FOXP2: variants seen among roughly 807,000 people sequenced by gnomAD.
The protein encoded by FOXP2 is forkhead box protein P2.
FOXP2 carries 12 observed loss-of-function variants against 115.8 expected under a neutral mutation model. The ratio of observed to expected loss-of-function variants is 0.10; its 90% CI spans 0.07 to 0.17. The LOEUF is 0.17. Ranked by LOEUF, FOXP2 falls within the 10% of genes least tolerant of loss-of-function variation. The probability of loss-of-function intolerance (pLI) is 1.00; values close to 1 mark genes in which losing one functional copy is unlikely to be tolerated. For missense variants in FOXP2, 629 were observed against 843.5 expected (o/e 0.75, Z 3.15); for synonymous variants, 328 against 297.7 (o/e 1.10, Z -1.05).
At chr7:114,223,500 TTATATATAATA>T (rs1168340456) in intron 1 of FOXP2, among the ~76,000 whole-genome samples, 1 of 147,410 alleles carries the variant, frequency 6.8e-6, no homozygotes, top group Non-Finnish European at 1.5e-5. Context: ...TATATATATA[TTATATATAATA>T]TATATATAAT....
At chr7:114,231,171 T>C (rs1239224085) in intron 1 of FOXP2, among the ~76,000 whole-genome samples, 1 of 151,990 alleles carries the variant, frequency 6.6e-6, no homozygotes, top group African/African-American at 2.4e-5. Context: ...TACTCATCAA[T>C]AAACTTAACC....
chr7:114,687,896 TAAG>T (rs1209146847), intron 16 of FOXP2, among the ~76,000 whole-genome samples: 2 of 152,138 alleles, frequency 1.3e-5, no homozygotes, highest in African/African-American at 4.8e-5. Flanking sequence ...AATCTTACAT[TAAG>T]AAGTAACTCA....
intron 1 of FOXP2, among the ~76,000 whole-genome samples, chr7:114,199,845 T>C (rs577590550): frequency 1.1e-4 from 16 of 152,310 alleles, no homozygotes; most frequent in Admixed American, 4.6e-4. Flanking sequence ...TTGCAGGAAT[T>C]GGTGAAACAG....
At chr7:114,463,971 G>A (rs1403851748) in intron 2 of FOXP2, among the ~76,000 whole-genome samples, 4 of 151,948 alleles carry the variant, frequency 2.6e-5, no homozygotes, top group African/African-American at 7.3e-5. Context: ...TTTTAAATCA[G>A]AAAGAACAAT....
chr7:114,436,738 T>TAAA (rs1469443960), intron 2 of FOXP2, among the ~76,000 whole-genome samples: 1 of 151,858 alleles, frequency 6.6e-6, no homozygotes, highest in African/African-American at 2.4e-5. Flanking sequence ...AAAGGATATA[T>TAAA]AAACGTTACT....
intron 2 of FOXP2, among the ~76,000 whole-genome samples, chr7:114,456,462 GT>G (rs1477493935): frequency 2.6e-5 from 4 of 152,106 alleles, no homozygotes; most frequent in African/African-American, 9.7e-5. Flanking sequence ...TTCAACTGTA[GT>G]TTTCTTAGTT....
At chr7:114,306,400 C>T (rs372138750) in intron 2 of FOXP2, among the ~76,000 whole-genome samples, 12 of 152,232 alleles carry the variant, frequency 7.9e-5, no homozygotes, top group South Asian at 2.1e-4. Context: ...ATATCTGCTA[C>T]GTTTATAGAA....
At chr7:114,599,487 C>T (rs1399247584) in intron 3 of FOXP2, among the ~76,000 whole-genome samples, 6 of 151,940 alleles carry the variant, frequency 3.9e-5, no homozygotes, top group South Asian at 2.1e-4. Flanking sequence ...TTTGTGGGGA[C>T]GTTTCTAAAT....
chr7:114,243,277 A>G (rs973918237), intron 1 of FOXP2, among the ~76,000 whole-genome samples: 4 of 152,022 alleles, frequency 2.6e-5, no homozygotes, highest in Non-Finnish European at 5.9e-5. Flanking sequence ...AAAAAAAAAA[A>G]AACAAGAACA....
At chr7:114,554,018 C>T (rs1800335771) in intron 3 of FOXP2, among the ~76,000 whole-genome samples, 1 of 151,616 alleles carries the variant, frequency 6.6e-6, no homozygotes, top group Admixed American at 6.6e-5. Flanking sequence ...ACTTAAAAAC[C>T]TCTAGAAATA....
chr7:114,282,882 C>G lies in FOXP2; in HGVS notation c.-101-5137C>G, dbSNP rs560907890. On this transcript the variant is annotated intron_variant, in intron 1 of 17. Coordinates refer to the FOXP2 transcript ENST00000634411. Reference sequence around the variant, plus strand: ...ATATGATGTTTCTTTCATGCTAATACAAAAAAGAAAATGTCTGCTACATAG... The same window carrying G: ...ATATGATGTTTCTTTCATGCTAATAGAAAAAAGAAAATGTCTGCTACATAG... Among the ~76,000 whole-genome samples, 29 of 152,180 alleles carry G rather than the reference C, an allele frequency of 1.9e-4. 1 individual carries two copies. In the South Asian group the frequency reaches 6.0e-3, roughly 32 times the overall value.
At chr7:114,434,893 T>C (rs1289719572) in intron 2 of FOXP2, among the ~76,000 whole-genome samples, 2 of 152,198 alleles carry the variant, frequency 1.3e-5, no homozygotes, top group Admixed American at 6.5e-5. Flanking sequence ...AATTAACATA[T>C]ACATTTTAAG....
intron 1 of FOXP2, among the ~76,000 whole-genome samples, chr7:114,235,684 A>G (rs1314143944): frequency 6.6e-6 from 1 of 152,166 alleles, no homozygotes; most frequent in African/African-American, 2.4e-5. Context: ...GAACACCAAT[A>G]GTTGAGAATA....
At chr7:114,127,053 GCT>G (rs1287055339) in intron 1 of FOXP2, among the ~76,000 whole-genome samples, 1 of 152,276 alleles carries the variant, frequency 6.6e-6, no homozygotes, top group East Asian at 1.9e-4. Flanking sequence ...TCATCTGAAT[GCT>G]CAACTGGGAA....
At chr7:114,545,385 C>G (rs1216015703) in intron 3 of FOXP2, among the ~76,000 whole-genome samples, 1 of 152,194 alleles carries the variant, frequency 6.6e-6, no homozygotes, top group Non-Finnish European at 1.5e-5. Context: ...ATGTCTCTCT[C>G]TGATCAGCCT....
intron 1 of FOXP2, among the ~76,000 whole-genome samples, chr7:114,423,560 C>T (rs1262446861): frequency 6.6e-6 from 1 of 151,478 alleles, no homozygotes; most frequent in Non-Finnish European, 1.5e-5. Context: ...ATTCATCTTT[C>T]CCTTTAATGA....
chr7:114,646,613 G>A (rs1405053403), intron 8 of FOXP2, among the ~76,000 whole-genome samples: 1 of 151,934 alleles, frequency 6.6e-6, no homozygotes, highest in Admixed American at 6.6e-5. Context: ...AGGTTTTAAA[G>A]CCTTTTTTTA....
At position 114,272,567 on chromosome 7, in the gene FOXP2, G is replaced by T. The variant is rs369173188; in HGVS notation, c.-101-15452G>T. Among the ~76,000 whole-genome samples, 6 of 151,840 alleles carry T rather than the reference G, an allele frequency of 4.0e-5. No homozygotes were observed. In the East Asian group the frequency reaches 1.2e-3, roughly 29 times the overall value. On this transcript the variant is annotated intron_variant, in intron 1 of 17. Transcript: ENST00000634411. ...TGACTCAATTTCTTTAATAGACATA[G>T]GCCTATTCTGGTTATTTATTTCTTC... is the stretch of plus-strand genomic sequence containing the variant.
chr7:114,379,179 C>T (rs948132932), intron 2 of FOXP2, among the ~76,000 whole-genome samples: 3 of 152,148 alleles, frequency 2.0e-5, no homozygotes, highest in Admixed American at 6.5e-5. Flanking sequence ...GTTGCTGGCT[C>T]GAATGCCTGG....
Sources: gnomAD v4.1 joint callset for allele counts (sites outside exome capture counted in the v4.1 genomes callset) on GRCh38, gnomAD v4.1.1 for gene constraint, MANE v1.5 for transcripts, NCBI Gene and HGNC (gene_info 2026-07-23, HGNC 2026-07-21) for gene names.